Variants in NGFR observed in about 807,000 individuals in gnomAD.
The protein encoded by NGFR is tumor necrosis factor receptor superfamily member 16.
In NGFR, 30 loss-of-function variants were observed where a neutral mutation model predicts 43.2. That is an observed-to-expected ratio of 0.69 (90% confidence interval 0.52 to 0.94). NGFR has a LOEUF of 0.94. Among genes scored for constraint, NGFR ranks in the 40% least tolerant of loss-of-function variants. The pLI, the probability that NGFR is intolerant of heterozygous loss-of-function variation, is 0.00. For synonymous variants in NGFR, 246 were observed against 259.6 expected (o/e 0.95, Z 0.50); for missense variants, 529 against 602.5 (o/e 0.88, Z 1.28).
At chr17:49,496,632 G>GGCTGCGCGCCGCTCCCCACCTA (rs1223447587) in intron 1 of NGFR, 1 of 152,226 alleles carries the variant, frequency 6.6e-6, no homozygotes. Context: ...GCGAGTCTGG[G>GGCTGCGCGCCGCTCCCCACCTA]GCTGCGCGCC....
rs1567741054 is a variant in NGFR at position 49,510,577 on chromosome 17, GAGGCAC to G, written c.735_740del (p.Gly246_Thr247del). On this transcript the variant is annotated inframe_deletion, in exon 4 of 6. Transcript: ENST00000172229. ...GGCAGCTCCCAGCCCGTGGTGACCC[GAGGCAC>G]CACCGACAACCTCATCCCTGTCTAT... 11 of 1,613,854 alleles carry G rather than the reference GAGGCAC, an allele frequency of 6.8e-6. No homozygotes were observed. Among genetic ancestry groups the G allele is most frequent in the Non-Finnish European group, 9.3e-6 (11 of 1,179,984 alleles).
Position 49,502,188 on chromosome 17 carries a change from T to C in NGFR, c.192T>C (p.Cys64=). The C allele has an allele frequency of 6.2e-7, 1 of 1,607,974 alleles. No homozygotes were observed. Among genetic ancestry groups the C allele is most frequent in the Non-Finnish European group, 8.5e-7 (1 of 1,176,872 alleles). ...AQPCGANQTV[C]EPCLDSVTFS... Reference sequence around the variant, plus strand: ...CTTGTGGAGCCAACCAGACCGTGTGTGAGCCCTGCCTGGACAGTGAGTAGA... The same window carrying C: ...CTTGTGGAGCCAACCAGACCGTGTGCGAGCCCTGCCTGGACAGTGAGTAGA... The change falls in exon 2 of 6, where the codon TGT becomes TGC. Residue 64 remains cysteine, a synonymous_variant. Coordinates refer to ENST00000172229, the MANE Select transcript of NGFR (RefSeq NM_002507.4).
At chr17:49,502,407 G>T (rs2071172251) in intron 2 of NGFR, among the ~76,000 whole-genome samples, 1 of 152,218 alleles carries the variant, frequency 6.6e-6, no homozygotes, top group Non-Finnish European at 1.5e-5. Context: ...GAAGTGTGCA[G>T]AGGGAGGAGG....
At chr17:49,511,828 A>G in intron 4 of NGFR, 64 bp from the exon 5 acceptor site, 1 of 1,465,818 alleles carries the variant, frequency 6.8e-7, no homozygotes, top group Non-Finnish European at 9.1e-7. Context: ...GAGCACAGAT[A>G]CTCAGCTGCA....
At chr17:49,504,314 G>A (rs924099188) in intron 2 of NGFR, among the ~76,000 whole-genome samples, 5 of 152,060 alleles carry the variant, frequency 3.3e-5, no homozygotes, top group African/African-American at 7.2e-5. Context: ...TCCATCACAC[G>A]CCAGCCAGCC....
Position 49,506,344 on chromosome 17 carries a change from C to T in NGFR, c.254C>T (p.Pro85Leu). 5 of 1,590,244 alleles carry T rather than the reference C, an allele frequency of 3.1e-6. No homozygotes were observed. Among genetic ancestry groups the T allele is most frequent in the African/African-American group, 1.3e-5 (1 of 74,760 alleles). ...GTGAGCGCGACCGAGCCGTGCAAGC[C>T]GTGCACCGAGTGCGTGGGGCTCCAG... Reference protein sequence around the residue: ...DVVSATEPCKPCTECVGLQSM... With the variant: ...DVVSATEPCKLCTECVGLQSM... Residue 85 changes from proline to leucine, a missense_variant, in exon 3 of 6, where the codon CCG (proline) becomes CTG (leucine). By Grantham distance (98) the Pro-to-Leu change is moderately conservative. Transcript: ENST00000172229.
In NGFR at chr17:49,512,789, C is replaced by T. The variant is rs765407895; in HGVS notation, c.1064C>T (p.Ala355Val). Residue 355 changes from alanine to valine, a missense_variant, in exon 6 of 6, where the codon GCG (alanine) becomes GTG (valine). Physicochemically the swap from Ala to Val is moderately conservative, Grantham distance 64 (BLOSUM62 0). Coordinates refer to ENST00000172229, the MANE Select transcript of NGFR (RefSeq NM_002507.4). This position sits in a 1 kb window ranked among gnomAD's most constrained non-coding sequence, Gnocchi z 5.2. Reference protein sequence around the residue: ...EEVEKLLNGSAGDTWRHLAGE... With the variant: ...EEVEKLLNGSVGDTWRHLAGE... ...GTGGAGAAGCTTCTCAACGGCTCTGCGGGGGACACCTGGCGGCACCTGGCG... is the reference window on the plus strand; with the variant it reads ...GTGGAGAAGCTTCTCAACGGCTCTGTGGGGGACACCTGGCGGCACCTGGCG... 6.8e-6 allele frequency: 11 copies of T among 1,613,238 alleles called. No individual in the cohort carries two copies. The highest frequency in any genetic ancestry group is 3.3e-5 in the Admixed American group (2 of 59,984).
intron 1 of NGFR, 64 bp from the exon 2 acceptor site, chr17:49,501,999 A>AGGGGGCGCCCCCCCCCCC: frequency 3.0e-6 from 1 of 330,984 alleles, no homozygotes; most frequent in Non-Finnish European, 5.9e-6. Flanking sequence ...TCCCCGGAAG[A>AGGGGGCGCCCCCCCCCCC]ACCCCCCCCA....
In NGFR at chr17:49,512,866, T is replaced by C; in HGVS notation, c.1141T>C (p.Cys381Arg). 6.2e-7 allele frequency: 1 copy of C among 1,613,300 alleles called. No individual in the cohort carries two copies. Among genetic ancestry groups the C allele is most frequent in the African/African-American group, 1.3e-5 (1 of 75,032 alleles). The change falls in exon 6 of 6, where the codon TGC becomes CGC. Residue 381 changes from cysteine to arginine, a missense_variant. Transcript: ENST00000172229. This position sits in a 1 kb window ranked among gnomAD's most constrained non-coding sequence, Gnocchi z 5.2. Reference protein sequence around the residue: ...EHIDSFTHEACPVRALLASWA... With the variant: ...EHIDSFTHEARPVRALLASWA... ...CATAGACTCCTTTACCCATGAGGCC[T>C]GCCCCGTTCGCGCCCTGCTTGCAAG...
At chr17:49,500,161 G>A (rs2071159395) in intron 1 of NGFR, among the ~76,000 whole-genome samples, 1 of 152,260 alleles carries the variant, frequency 6.6e-6, no homozygotes, top group African/African-American at 2.4e-5. Flanking sequence ...AATCGCTGGT[G>A]TAAATACAGA....
chr17:49,504,239 T>C (rs1390834875), intron 2 of NGFR, among the ~76,000 whole-genome samples: 2 of 152,222 alleles, frequency 1.3e-5, no homozygotes, highest in African/African-American at 4.8e-5. Context: ...AGTTTTCTGC[T>C]AATTTTCTGT....
chr17:49,509,934 C>A (rs2071220888), intron 3 of NGFR, among the ~76,000 whole-genome samples: 1 of 152,124 alleles, frequency 6.6e-6, no homozygotes, highest in Non-Finnish European at 1.5e-5. Context: ...ACAGGAGTGA[C>A]TAGGGTCATC....
chr17:49,498,990 T>C (rs1163192493), intron 1 of NGFR, among the ~76,000 whole-genome samples: 1 of 152,186 alleles, frequency 6.6e-6, no homozygotes, highest in Non-Finnish European at 1.5e-5. Flanking sequence ...CACTTAATTC[T>C]CCCAGCAATC....
intron 1 of NGFR, chr17:49,496,775 G>C (rs1245185740): frequency 6.6e-6 from 1 of 152,228 alleles, no homozygotes; most frequent in Non-Finnish European, 1.5e-5. Context: ...TAACGAGACG[G>C]GGGCGCCCGG....
intron 2 of NGFR, among the ~76,000 whole-genome samples, chr17:49,503,173 G>A (rs574802848): frequency 6.6e-6 from 1 of 152,152 alleles, no homozygotes; most frequent in African/African-American, 2.4e-5. Context: ...ACCTGCCTTA[G>A]CCTCCCAAAG....
chr17:49,504,782 T>C (rs1280457248), intron 2 of NGFR, among the ~76,000 whole-genome samples: 33 of 144,376 alleles, frequency 2.3e-4, no homozygotes, highest in Non-Finnish European at 4.3e-4. Context: ...TTTTTTTTTT[T>C]TTTTTTTTTG....
chr17:49,503,462 C>A (rs1385173944), intron 2 of NGFR, among the ~76,000 whole-genome samples: 4 of 152,168 alleles, frequency 2.6e-5, no homozygotes, highest in Admixed American at 6.5e-5. Context: ...CTCGAGGGAA[C>A]CATACTCAGA....
chr17:49,508,555 A>G (rs994595526), intron 3 of NGFR, among the ~76,000 whole-genome samples: 10 of 152,144 alleles, frequency 6.6e-5, no homozygotes, highest in Admixed American at 2.0e-4. Context: ...CTTTCCCCGC[A>G]TTTACTTACG....
intron 3 of NGFR, among the ~76,000 whole-genome samples, chr17:49,507,554 G>A (rs1026526268): frequency 2.0e-5 from 3 of 152,216 alleles, no homozygotes; most frequent in African/African-American, 7.2e-5. Context: ...GATGGGAGAA[G>A]GAAGCCCCGT....
Sources: gnomAD v4.1 joint callset for allele counts (sites outside exome capture counted in the v4.1 genomes callset) on GRCh38, gnomAD v4.1.1 for gene constraint, Gnocchi (gnomAD v3.1) non-coding constraint, MANE v1.5 for transcripts, NCBI Gene and HGNC (gene_info 2026-07-23, HGNC 2026-07-21) for gene names.